PHACTR1: variants seen among roughly 807,000 people sequenced by gnomAD.
The protein encoded by PHACTR1 is RPEL repeat containing 1.
In PHACTR1, 16 loss-of-function variants were observed where a neutral mutation model predicts 69.2. The ratio of observed to expected loss-of-function variants is 0.23; its 90% CI spans 0.16 to 0.35. The LOEUF (loss-of-function observed/expected upper bound fraction) is 0.35. Ranked by LOEUF, PHACTR1 falls within the 10% of genes least tolerant of loss-of-function variation. PHACTR1 has a pLI of 1.00. For synonymous variants in PHACTR1, 312 were observed against 284.5 expected, an observed-to-expected ratio of 1.10 and a Z score of -0.97; for missense variants, 510 against 734.7, an observed-to-expected ratio of 0.69 and a Z score of 3.54.
chr6:12,895,249 T>TCGGCAAA (rs1459095494), intron 4 of PHACTR1, among the ~76,000 whole-genome samples: 1 of 148,306 alleles, frequency 6.7e-6, no homozygotes, highest in African/African-American at 2.5e-5. Context: ...TGGCATGATC[T>TCGGCAAA]CGGCAAACTG....
intron 4 of PHACTR1, among the ~76,000 whole-genome samples, chr6:12,947,296 T>A (rs2127548826): frequency 6.6e-6 from 1 of 152,230 alleles, no homozygotes; most frequent in East Asian, 1.9e-4. Context: ...ACCCAGCACT[T>A]TATCTGGCTT....
chr6:12,816,983 A>G (rs1489805402), intron 4 of PHACTR1, among the ~76,000 whole-genome samples: 1 of 152,150 alleles, frequency 6.6e-6, no homozygotes. Flanking sequence ...AAGAAGACAC[A>G]GGGTTGTGTG....
intron 4 of PHACTR1, among the ~76,000 whole-genome samples, chr6:12,882,219 A>G (rs1783173853): frequency 6.6e-6 from 1 of 152,140 alleles, no homozygotes; most frequent in African/African-American, 2.4e-5. Context: ...TAGTAGCTTA[A>G]GGAAGGAGGA....
chr6:12,766,030 T>A (rs79081422), intron 4 of PHACTR1, among the ~76,000 whole-genome samples: 1 of 152,202 alleles, frequency 6.6e-6, no homozygotes, highest in Non-Finnish European at 1.5e-5. Context: ...TTTCTCCTCA[T>A]TGACTCGGAA....
At chr6:12,845,568 G>C (rs1371700696) in intron 4 of PHACTR1, among the ~76,000 whole-genome samples, 2 of 151,874 alleles carry the variant, frequency 1.3e-5, no homozygotes, top group African/African-American at 4.8e-5. Flanking sequence ...ACAGTCTAAT[G>C]TGCTGAGATT....
chr6:13,101,213 G>T (rs150317317), intron 5 of PHACTR1, among the ~76,000 whole-genome samples: 1 of 152,346 alleles, frequency 6.6e-6, no homozygotes, highest in African/African-American at 2.4e-5. Context: ...GTCAGCCCAT[G>T]ATGAAAGGCC....
At chr6:13,191,452 G>A (rs192297705) in intron 7 of PHACTR1, among the ~76,000 whole-genome samples, 2 of 152,302 alleles carry the variant, frequency 1.3e-5, no homozygotes, top group Non-Finnish European at 2.9e-5. Context: ...GGGGAAAGCC[G>A]AGGCCAGAGT....
intron 4 of PHACTR1, among the ~76,000 whole-genome samples, chr6:12,907,690 T>A (rs1445289637): frequency 1.3e-5 from 2 of 152,124 alleles, no homozygotes; most frequent in African/African-American, 4.8e-5. Context: ...ATTAGAAGAG[T>A]AGAACCATAG....
intron 4 of PHACTR1, among the ~76,000 whole-genome samples, chr6:13,006,410 A>T (rs954920997): frequency 2.6e-5 from 4 of 152,182 alleles, no homozygotes; most frequent in African/African-American, 9.7e-5. Context: ...CTTTGCTGTA[A>T]ACTCATTTTG....
At chr6:13,175,959 G>T (rs530376936) in intron 6 of PHACTR1, among the ~76,000 whole-genome samples, 1 of 152,054 alleles carries the variant, frequency 6.6e-6, no homozygotes, top group Non-Finnish European at 1.5e-5. Context: ...CGGGTCCAGG[G>T]CAGGAGGGAA....
intron 4 of PHACTR1, among the ~76,000 whole-genome samples, chr6:12,875,500 AGT>A (rs1782444317): frequency 6.6e-6 from 1 of 152,230 alleles, no homozygotes; most frequent in African/African-American, 2.4e-5. Flanking sequence ...TTTGATCCCA[AGT>A]GAAAGGCTTT....
intron 4 of PHACTR1, among the ~76,000 whole-genome samples, chr6:12,857,679 T>C (rs1269079682): frequency 6.6e-6 from 1 of 151,940 alleles, no homozygotes; most frequent in East Asian, 1.9e-4. Context: ...GAACTAACAG[T>C]ATGAATTTGG....
intron 6 of PHACTR1, among the ~76,000 whole-genome samples, chr6:13,167,938 T>C (rs1443275593): frequency 6.6e-6 from 1 of 152,240 alleles, no homozygotes; most frequent in African/African-American, 2.4e-5. Flanking sequence ...ATAAAACTTC[T>C]TCTCTGTATT....
At chr6:12,798,522 A>G (rs577699619) in intron 4 of PHACTR1, among the ~76,000 whole-genome samples, 1 of 152,334 alleles carries the variant, frequency 6.6e-6, no homozygotes, top group African/African-American at 2.4e-5. Flanking sequence ...AGTCTTAAGT[A>G]AATAAAGCAT....
chr6:13,255,279 C>G (rs1363756760), intron 10 of PHACTR1, among the ~76,000 whole-genome samples: 4 of 152,164 alleles, frequency 2.6e-5, no homozygotes, highest in Non-Finnish European at 5.9e-5. Context: ...GGTGCTAACC[C>G]ATTCATGAGA....
At chr6:13,018,973 A>G (rs1242237640) in intron 4 of PHACTR1, among the ~76,000 whole-genome samples, 1 of 151,888 alleles carries the variant, frequency 6.6e-6, no homozygotes, top group Non-Finnish European at 1.5e-5. Flanking sequence ...CCCACCTGGT[A>G]TCTGGGACTA....
intron 4 of PHACTR1, among the ~76,000 whole-genome samples, chr6:12,966,309 G>C (rs142275444): frequency 6.6e-6 from 1 of 152,156 alleles, no homozygotes; most frequent in Non-Finnish European, 1.5e-5. Flanking sequence ...GAATCCTCAC[G>C]ACCCTATAAG....
At chr6:13,039,368 G>C (rs1443756641) in intron 4 of PHACTR1, among the ~76,000 whole-genome samples, 1 of 152,144 alleles carries the variant, frequency 6.6e-6, no homozygotes, top group East Asian at 1.9e-4. Context: ...TTTTCTATTT[G>C]TAGGGTCTAA....
chr6:12,756,099 T>C (rs1330284801), intron 4 of PHACTR1, among the ~76,000 whole-genome samples: 1 of 152,100 alleles, frequency 6.6e-6, no homozygotes, highest in Non-Finnish European at 1.5e-5. Flanking sequence ...GCAAAAAAAA[T>C]GTAAAGTTAT....
Sources: allele counts gnomAD v4.1 joint callset (sites outside exome capture counted in the v4.1 genomes callset), GRCh38; gene constraint gnomAD v4.1.1; transcripts MANE v1.5; gene names NCBI Gene and HGNC (gene_info 2026-07-23, HGNC 2026-07-21).